SNRPN: variants seen among roughly 807,000 people sequenced by gnomAD.
SNRPN encodes small nuclear ribonucleoprotein polypeptide N.
SNRPN carries 7 observed loss-of-function variants against 25.2 expected under a neutral mutation model. That is an observed-to-expected ratio of 0.28 (90% CI 0.16 to 0.52). SNRPN has a LOEUF of 0.52. SNRPN is among the 20% of genes least tolerant of loss of function. SNRPN has a pLI of 0.96. For synonymous variants in SNRPN, 124 were observed against 110.6 expected (o/e 1.12, Z -0.76); for missense variants, 196 against 322.5 (o/e 0.61, Z 3.00).
intron 2 of SNRPN, among the ~76,000 whole-genome samples, chr15:24,830,396 C>T (rs914838274): frequency 2.4e-4 from 37 of 152,098 alleles, no homozygotes; most frequent in African/African-American, 7.7e-4. Context: ...ATGAAACTAT[C>T]GATACTCACT....
upstream of SNRPN, among the ~76,000 whole-genome samples, chr15:24,854,991 G>A (rs1414422836): frequency 8.4e-6 from 1 of 119,482 alleles, no homozygotes; most frequent in Non-Finnish European, 1.8e-5. Flanking sequence ...GTGACAGAGC[G>A]AGACTCCGTC....
chr15:24,918,629 TATAAC>T (rs1415326160), intron 2 of SNRPN, among the ~76,000 whole-genome samples: 3 of 113,218 alleles, frequency 2.6e-5, no homozygotes, highest in African/African-American at 1.0e-4. Flanking sequence ...TGTGTGTATA[TATAAC>T]ATAATATATA....
chr15:24,963,537 C>T (rs1048920854), intron 2 of SNRPN, among the ~76,000 whole-genome samples: 3 of 151,428 alleles, frequency 2.0e-5, no homozygotes, highest in Non-Finnish European at 4.4e-5. Flanking sequence ...ATTGTTTGAG[C>T]CCAGGAGACG....
intron 3 of SNRPN, among the ~76,000 whole-genome samples, chr15:24,949,010 CTTTTTTTTT>C (rs869100437): frequency 3.0e-4 from 14 of 46,416 alleles, no homozygotes; most frequent in African/African-American, 8.0e-4. Flanking sequence ...TTTGCCTATT[CTTTTTTTTT>C]TTTTTTTTTT....
intron 1 of SNRPN, among the ~76,000 whole-genome samples, chr15:24,866,616 G>C (rs2054593888): frequency 6.6e-6 from 1 of 152,046 alleles, no homozygotes; most frequent in South Asian, 2.1e-4. Flanking sequence ...GAAACCATAT[G>C]GTACAATAGA....
At position 24,957,165 on chromosome 15, in the gene SNRPN, C is replaced by T. The variant is rs2063073722; in HGVS notation, c.-391+2103C>T. 2.0e-5 allele frequency among the ~76,000 whole-genome samples: 3 copies of T among 152,266 alleles called. 1 individual carries two copies. In the South Asian group the frequency reaches 6.2e-4, roughly 32 times the overall value. ...CACCATTTAAGATTCAGTTATCCTT[C>T]TTAATCTCTGGATAGTCCATTCTGA... On this transcript the variant is annotated intron_variant, in intron 1 of 9. Transcript: ENST00000390687.
chr15:24,931,756 T>C (rs533374919), intron 3 of SNRPN, among the ~76,000 whole-genome samples: 6 of 138,178 alleles, frequency 4.3e-5, no homozygotes, highest in Non-Finnish European at 4.5e-5. Context: ...GAGAATCCCT[T>C]GAACTTGAGG....
intron 1 of SNRPN, among the ~76,000 whole-genome samples, chr15:24,824,785 A>T (rs1402752218): frequency 7.4e-6 from 1 of 134,494 alleles, no homozygotes; most frequent in African/African-American, 2.7e-5. Context: ...GATGGCAAGT[A>T]AAGATAGGAT....
chr15:24,841,824 T>C (rs2051731914), intron 2 of SNRPN, among the ~76,000 whole-genome samples: 1 of 152,148 alleles, frequency 6.6e-6, no homozygotes, highest in South Asian at 2.1e-4. Flanking sequence ...TACAAGGACC[T>C]CTCTCTAGTT....
At chr15:24,904,526 G>A (rs1038659950) in intron 2 of SNRPN, among the ~76,000 whole-genome samples, 3 of 151,848 alleles carry the variant, frequency 2.0e-5, no homozygotes, top group African/African-American at 4.8e-5. Flanking sequence ...ATGGTGCCGC[G>A]CGCCTGTAAT....
intron 2 of SNRPN, among the ~76,000 whole-genome samples, chr15:24,834,149 C>G (rs1226862096): frequency 6.6e-6 from 1 of 152,240 alleles, no homozygotes; most frequent in East Asian, 1.9e-4. Flanking sequence ...TTGTCTCAAA[C>G]TCCTGACCTC....
intron 2 of SNRPN, among the ~76,000 whole-genome samples, chr15:24,844,505 G>C (rs550168196): frequency 6.6e-6 from 1 of 151,660 alleles, no homozygotes. Flanking sequence ...TTTTAATTTT[G>C]ACTAAGAATA....
chr15:24,890,425 C>T (rs2057576610), intron 2 of SNRPN, among the ~76,000 whole-genome samples: 1 of 152,086 alleles, frequency 6.6e-6, no homozygotes, highest in Admixed American at 6.6e-5. Context: ...ACCTGTAATC[C>T]CAGTACTTTG....
At chr15:24,903,309 T>C (rs2058587434) in intron 2 of SNRPN, among the ~76,000 whole-genome samples, 1 of 152,216 alleles carries the variant, frequency 6.6e-6, no homozygotes, top group South Asian at 2.1e-4. Context: ...TCCACAGATA[T>C]GACTGTAAAT....
intron 2 of SNRPN, chr15:24,910,841 G>T: frequency 1.8e-6 from 1 of 568,088 alleles, no homozygotes. Flanking sequence ...TATTGAGATG[G>T]TTTCCCACTC....
intron 3 of SNRPN, among the ~76,000 whole-genome samples, chr15:24,941,293 T>C (rs1352809981): frequency 1.3e-5 from 2 of 152,190 alleles, no homozygotes; most frequent in African/African-American, 2.4e-5. Context: ...TGACATTTTA[T>C]ATACACACAG....
At chr15:24,854,526 C>T (rs552281683), upstream of SNRPN, among the ~76,000 whole-genome samples, 1 of 152,270 alleles carries the variant, frequency 6.6e-6, no homozygotes, top group East Asian at 1.9e-4. Flanking sequence ...TCTCAGTGTA[C>T]AACTTTAACT....
chr15:24,976,573 C>T (rs77138664), intron 6 of SNRPN, among the ~76,000 whole-genome samples, 157 bp downstream of exon 6: 5,945 of 152,226 alleles, frequency 0.039, 389 homozygotes, highest in African/African-American at 0.14. Context: ...CTATGCTATT[C>T]GGGATTAGGG....
intron 2 of SNRPN, among the ~76,000 whole-genome samples, chr15:24,905,468 C>CT (rs1344929404): frequency 6.6e-6 from 1 of 150,410 alleles, no homozygotes; most frequent in Non-Finnish European, 1.5e-5. Context: ...GAGATCAAGC[C>CT]ACTGCACTCG....
Sources: allele counts gnomAD v4.1 joint callset (sites outside exome capture counted in the v4.1 genomes callset), GRCh38; gene constraint gnomAD v4.1.1; transcripts MANE v1.5; gene names NCBI Gene and HGNC (gene_info 2026-07-23, HGNC 2026-07-21).